Variants in SEC16A observed in about 807,000 individuals in gnomAD.
SEC16A encodes protein transport protein Sec16A.
Under a neutral mutation model 221.9 loss-of-function variants are expected in SEC16A, and 110 were observed. The observed-to-expected ratio is 0.50, with a 90% confidence interval of 0.42 to 0.58. The LOEUF (loss-of-function observed/expected upper bound fraction) is 0.58, where lower values mean the gene tolerates loss of function less well. Ranked by LOEUF, SEC16A falls within the 20% of genes least tolerant of loss-of-function variation. SEC16A has a pLI of 0.00. For missense variants in SEC16A, 3,165 were observed against 3,097.8 expected (o/e 1.02, Z -0.52); for synonymous variants, 1,393 against 1,257.7 (o/e 1.11, Z -2.28).
At position 136,461,490 on chromosome 9, in the gene SEC16A, T is replaced by G. The variant is rs149810844; in HGVS notation, c.4894-216A>C. On this transcript the variant is annotated intron_variant, in intron 12 of 31. Coordinates refer to ENST00000684901, the MANE Select transcript of SEC16A (RefSeq NM_014866.2). ...TGTGGTAGTGGGTATTTGTAGATAT[T>G]TGCTGCTTTTATCCATTTTCAGCAT... Among the ~76,000 whole-genome samples, 782 of 152,332 alleles carry G rather than the reference T, an allele frequency of 5.1e-3. 2 individuals carry two copies. Among genetic ancestry groups the G allele is most frequent in the South Asian group, 8.3e-3 (40 of 4,830 alleles).
intron 23 of SEC16A, 57 bp from the exon 24 acceptor site, chr9:136,448,218 C>T (rs1471185262): frequency 6.7e-7 from 1 of 1,490,048 alleles, no homozygotes. Context: ...TGAAATAAGC[C>T]AGGGCAAAAA....
rs752899776 is a variant in SEC16A, at chr9:136,443,915, G to A, written c.6928-15C>T. ...TCGCCAGGAGCCTGAGAAGCACAGA[G>A]AAGTCACCTCAGCAGGGCTGCGCTG... is the stretch of plus-strand genomic sequence containing the variant. On this transcript the variant is annotated splice_polypyrimidine_tract_variant and intron_variant, in intron 30 of 31. Transcript: ENST00000684901. 1.9e-6 allele frequency: 3 copies of A among 1,602,804 alleles called. No homozygotes were observed. Among genetic ancestry groups the A allele is most frequent in the African/African-American group, 2.7e-5 (2 of 74,540 alleles).
intron 12 of SEC16A, 43 bp from the exon 13 acceptor site, chr9:136,461,317 G>A (rs372678942): frequency 5.2e-5 from 75 of 1,429,914 alleles, no homozygotes; most frequent in East Asian, 2.0e-4. Flanking sequence ...TATCGGCGGC[G>A]CTCACGTGAC....
At chr9:136,443,979 C>T in intron 30 of SEC16A, 79 bp from the exon 31 acceptor site, 1 of 959,808 alleles carries the variant, frequency 1.0e-6, no homozygotes. Context: ...ACAGACACCG[C>T]TTCTGGGTGG....
At position 136,461,115 on chromosome 9, in the gene SEC16A, C is replaced by T. The variant is rs528797726; in HGVS notation, c.4991+62G>A. 2,688 of 1,328,126 alleles carry T rather than the reference C, an allele frequency of 2.0e-3. 7 individuals are homozygous for T. Among genetic ancestry groups the T allele is most frequent in the Middle Eastern group, 0.01 (51 of 4,916 alleles). 82.3% of individuals were successfully genotyped at this position (1,328,126 alleles called of 1,614,324 possible). On this transcript the variant is annotated intron_variant, in intron 13 of 31. Transcript: ENST00000684901. Reference sequence around the variant, plus strand: ...CTGCCGCCTGCCCCCAGGGTGCGGACGCCGCGTGCTACAGGGAGCCAGCAG... The same window carrying T: ...CTGCCGCCTGCCCCCAGGGTGCGGATGCCGCGTGCTACAGGGAGCCAGCAG...
chr9:136,469,302 C>A (rs748326303), intron 4 of SEC16A, among the ~76,000 whole-genome samples: 3 of 152,228 alleles, frequency 2.0e-5, no homozygotes, highest in Admixed American at 6.5e-5. Context: ...CCACCTCCCC[C>A]TCAGGTCTCC....
chr9:136,476,450 G>T lies in SEC16A; in HGVS notation c.1166C>A (p.Ser389Tyr). ...TTGACCAGATAAGCCTGCTTTTTCA[G>T]ATGAGAGATTCTCCTCATTTTCTGT... ...GETENEENLS[S>Y]EKAGLSGQAD... Residue 389 changes from serine to tyrosine, a missense_variant, in exon 3 of 32, where the codon TCT becomes TAT. Transcript: ENST00000684901. 3.1e-6 allele frequency: 5 copies of T among 1,613,114 alleles called. No individual in the cohort carries two copies. The highest frequency in any genetic ancestry group is 4.2e-6 in the Non-Finnish European group (5 of 1,179,802).
At position 136,466,919 on chromosome 9, in the gene SEC16A, G is replaced by A. The variant is rs1247971151; in HGVS notation, c.3929+38C>T. On this transcript the variant is annotated intron_variant, in intron 6 of 31. Transcript: ENST00000684901. The surrounding 1 kb of genome is among the most constrained non-coding windows in gnomAD (Gnocchi z 5.5). ...AGAGAAGCACTAGCGCGCCCTGGCTGCCCCCAGCCTCTGCCTCCCCAGGGG... is the reference window on the plus strand; with the variant it reads ...AGAGAAGCACTAGCGCGCCCTGGCTACCCCCAGCCTCTGCCTCCCCAGGGG... The A allele has an allele frequency of 6.3e-7, 1 of 1,597,332 alleles. No homozygotes were observed. Among genetic ancestry groups the A allele is most frequent in the Non-Finnish European group, 8.5e-7 (1 of 1,173,020 alleles).
Position 136,451,310 on chromosome 9 carries a change from G to A in SEC16A, c.6258C>T (p.Pro2086=), listed in dbSNP as rs756466837. ...CTGCCTGTCCGGGTCTCTTTGTTTCGGGAGCGGGTGAGAGAGACAGAGGTG... is the reference window on the plus strand; with the variant it reads ...CTGCCTGTCCGGGTCTCTTTGTTTCAGGAGCGGGTGAGAGAGACAGAGGTG... The part of the protein sequence containing the change: ...TQPPLSLSPA[P]ETKRPGQAAK... The change falls in exon 23 of 32, where the codon CCC becomes CCT. Residue 2086 remains proline, a synonymous_variant. Coordinates refer to ENST00000684901, the MANE Select transcript of SEC16A (RefSeq NM_014866.2). 1.2e-5 allele frequency: 20 copies of A among 1,613,476 alleles called. No individual in the cohort carries two copies. The highest frequency in any genetic ancestry group is 2.2e-5 in the South Asian group (2 of 90,964).
In SEC16A at chr9:136,470,267, G is replaced by C. The variant is rs116931252; in HGVS notation, c.3704+1708C>G. 6.5e-3 allele frequency among the ~76,000 whole-genome samples: 987 copies of C among 152,334 alleles called. 3 individuals carry two copies. Among genetic ancestry groups the C allele is most frequent in the Non-Finnish European group, 9.7e-3 (659 of 68,028 alleles). ...GTAAGCCTGCGGATCTGGTGACAAA[G>C]CCACTCCTGTGGTGACCTGACCCTG... On this transcript the variant is annotated intron_variant, in intron 4 of 31. Coordinates refer to ENST00000684901, the MANE Select transcript of SEC16A (RefSeq NM_014866.2).
chr9:136,466,165 C>A lies in SEC16A; in HGVS notation c.4129-29G>T. ...AGAAAACAAAGCAAACGGGCAAAAT[C>A]AATTCCCCAGGCACAGCAGTAAAAC... On this transcript the variant is annotated intron_variant, in intron 7 of 31. Transcript: ENST00000684901. The surrounding 1 kb of genome is among the most constrained non-coding windows in gnomAD (Gnocchi z 5.5). The A allele has an allele frequency of 6.4e-7, 1 of 1,572,752 alleles. No individual in the cohort carries two copies. The highest frequency in any genetic ancestry group is 1.2e-5 in the South Asian group (1 of 85,438).
chr9:136,481,262 C>A (rs912020764), intron 1 of SEC16A, among the ~76,000 whole-genome samples: 90 of 151,658 alleles, frequency 5.9e-4, no homozygotes, highest in Non-Finnish European at 9.9e-4. Context: ...CAGCCTCCAG[C>A]GTAGCTGGGA....
At chr9:136,458,356 C>T (rs1157192693) in intron 17 of SEC16A, among the ~76,000 whole-genome samples, 3 of 152,070 alleles carry the variant, frequency 2.0e-5, no homozygotes, top group Non-Finnish European at 4.4e-5. Context: ...CGGCTGGGCG[C>T]GGTGGCTCAC....
chr9:136,459,798 T>A lies in SEC16A; in HGVS notation c.5150A>T (p.Asp1717Val). 1.9e-6 allele frequency: 3 copies of A among 1,613,086 alleles called. No homozygotes were observed. Among genetic ancestry groups the A allele is most frequent in the Non-Finnish European group, 2.5e-6 (3 of 1,179,540 alleles). The change falls in exon 15 of 32, where the codon GAC becomes GTC. Residue 1717 changes from aspartate (D) to valine (V), a missense_variant. Asp to Val is a radical substitution (Grantham distance 152). Coordinates refer to ENST00000684901, the MANE Select transcript of SEC16A (RefSeq NM_014866.2). The surrounding 1 kb of genome is among the most constrained non-coding windows in gnomAD (Gnocchi z 6.1). ...GGTAGCCATCGTCCTGGACTCGACG[T>A]CCATGTTGTTGTTCAAGTTGGACAA... ...MVLSNLNNNM[D>V]VESRTMATMG...
In SEC16A at chr9:136,466,978, T is replaced by C; in HGVS notation, c.3908A>G (p.Glu1303Gly). 1 of 1,613,566 alleles carries C rather than the reference T, an allele frequency of 6.2e-7. No individual in the cohort carries two copies. The highest frequency in any genetic ancestry group is 8.5e-7 in the Non-Finnish European group (1 of 1,179,790). ...CDAEYDAYRR[E>G]HSAFGDRPEK... ...CAACCTGTCCCCGAAGGCAGAGTGC[T>C]CTCTCCTGTATGCGTCATACTCTGC... The change falls in exon 6 of 32, where the codon GAG becomes GGG. Residue 1303 changes from glutamate to glycine, a missense_variant. Glu to Gly is a moderately conservative substitution (Grantham distance 98). This residue lies in a region of SEC16A where 2,030 missense variants were observed against 1,923.1 expected (regional missense o/e 1.06). Transcript: ENST00000684901. The surrounding 1 kb of genome is among the most constrained non-coding windows in gnomAD (Gnocchi z 5.5).
In SEC16A at chr9:136,476,552, G is replaced by A. The variant is rs1342085742; in HGVS notation, c.1064C>T (p.Ala355Val). 6.2e-7 allele frequency: 1 copy of A among 1,610,844 alleles called. No homozygotes were observed. The highest frequency in any genetic ancestry group is 1.7e-5 in the Admixed American group (1 of 59,900). ...TTCTAGCGGGGCACAGCCAGACCCG[G>A]CCCCAGCCCCCAGTGGGTGGTGCGT... ...NRTHHPLGAGAGSGCAPLEAD... is the reference protein window; with the variant it reads ...NRTHHPLGAGVGSGCAPLEAD... The change falls in exon 3 of 32, where the codon GCC becomes GTC. Residue 355 changes from alanine to valine, a missense_variant. Coordinates refer to ENST00000684901, the MANE Select transcript of SEC16A (RefSeq NM_014866.2).
chr9:136,468,812 T>C (rs576408882), intron 4 of SEC16A, among the ~76,000 whole-genome samples: 1 of 152,300 alleles, frequency 6.6e-6, no homozygotes, highest in Non-Finnish European at 1.5e-5. Flanking sequence ...AGTCCTAGAA[T>C]TTTTGATATT....
intron 22 of SEC16A, among the ~76,000 whole-genome samples, chr9:136,453,058 A>G (rs1040399754): frequency 1.3e-5 from 2 of 148,150 alleles, no homozygotes; most frequent in Non-Finnish European, 3.0e-5. Context: ...CGACAGAGCA[A>G]GAATCTGTCT....
chr9:136,453,149 A>G (rs1170045491), intron 22 of SEC16A, among the ~76,000 whole-genome samples: 2 of 152,110 alleles, frequency 1.3e-5, no homozygotes, highest in Non-Finnish European at 2.9e-5. Context: ...ATTAAAATTA[A>G]TAAGGGGATT....
Sources: allele counts gnomAD v4.1 joint callset (sites outside exome capture counted in the v4.1 genomes callset), GRCh38; gene constraint gnomAD v4.1.1; regional missense constraint gnomAD v4.1.1; non-coding constraint Gnocchi (gnomAD v3.1); transcripts MANE v1.5; gene names NCBI Gene and HGNC (gene_info 2026-07-23, HGNC 2026-07-21).